PRORP: variants seen among roughly 807,000 people sequenced by gnomAD.
PRORP encodes the protein protein only RNase P catalytic subunit, also known as mitochondrial ribonuclease P catalytic subunit.
A neutral mutation model predicts 59.4 loss-of-function variants in PRORP; 51 were observed. The ratio of observed to expected loss-of-function variants is 0.86; its 90% CI spans 0.69 to 1.08. The LOEUF is 1.08. PRORP is among the 50% of genes least tolerant of loss of function. PRORP has a pLI of 0.00. For missense variants in PRORP, 646 were observed against 690.3 expected, an observed-to-expected ratio of 0.94 and a Z score of 0.72; for synonymous variants, 231 against 245.6, an observed-to-expected ratio of 0.94 and a Z score of 0.55.
intron 6 of PRORP, 110 bp from the exon 7 acceptor site, chr14:35,270,291 C>G (rs2051151629): frequency 3.0e-6 from 3 of 1,015,598 alleles, no homozygotes; most frequent in Admixed American, 2.3e-5. Flanking sequence ...TCATGTTGGT[C>G]AAGAAATCAG....
chr14:35,192,708 G>A (rs1281085418), intron 5 of PRORP, among the ~76,000 whole-genome samples: 1 of 152,116 alleles, frequency 6.6e-6, no homozygotes, highest in African/African-American at 2.4e-5. Flanking sequence ...AAAAGGAGGG[G>A]CCGGGCATGG....
chr14:35,222,874 T>C (rs61989547), intron 5 of PRORP: 24,459 of 152,272 alleles, frequency 0.16, 2,315 homozygotes, highest in Middle Eastern at 0.23. Flanking sequence ...TTTTGTTGCT[T>C]CTCTCCATTT....
At position 35,123,087 on chromosome 14, in the gene PRORP, A is replaced by T; in HGVS notation, c.-159A>T. The stretch of plus-strand genomic sequence containing the variant: ...TGCCTTCTTGCTTTTAAGTAGCCCC[A>T]AAAGCAGAACCTTGATTTGTCTGTA... On this transcript the variant is annotated 5_prime_UTR_variant, in exon 2 of 8. Coordinates refer to ENST00000534898, the MANE Select transcript of PRORP (RefSeq NM_014672.4). 1.3e-6 allele frequency: 1 copy of T among 764,692 alleles called. No homozygotes were observed. Among genetic ancestry groups the T allele is most frequent in the East Asian group, 2.7e-5 (1 of 37,482 alleles). The allele number at this position is 764,692 out of a possible 1,614,324, so 47.4% of individuals were successfully genotyped here.
At chr14:35,247,775 A>G (rs142718534) in intron 5 of PRORP, among the ~76,000 whole-genome samples, 27 of 152,290 alleles carry the variant, frequency 1.8e-4, no homozygotes, top group Non-Finnish European at 2.8e-4. Flanking sequence ...CAGAATACCT[A>G]TCCTTTCTTG....
chr14:35,169,718 A>G (rs1197081953), intron 4 of PRORP, among the ~76,000 whole-genome samples: 1 of 152,222 alleles, frequency 6.6e-6, no homozygotes. Flanking sequence ...TTACAATTCA[A>G]GGTGAGATTT....
chr14:35,192,370 A>T (rs1367721804), intron 5 of PRORP, among the ~76,000 whole-genome samples: 1 of 152,210 alleles, frequency 6.6e-6, no homozygotes, highest in Non-Finnish European at 1.5e-5. Context: ...TTTCAGTTAC[A>T]TCAGGATTGC....
chr14:35,249,483 G>A (rs2050561837), intron 5 of PRORP, among the ~76,000 whole-genome samples: 1 of 152,134 alleles, frequency 6.6e-6, no homozygotes, highest in Admixed American at 6.5e-5. Context: ...CACCTACTCA[G>A]AAGGCTAAGG....
rs571537940 is a variant in PRORP, at chr14:35,166,742, T to C, written c.1168-13928T>C. On this transcript the variant is annotated intron_variant, in intron 4 of 7. Transcript: ENST00000534898. ...CTGGGATTACAGGTGTGAGCCACTG[T>C]GCCTGGCCTATCTGAATCTTTAAGG... Among the ~76,000 whole-genome samples the C allele has an allele frequency of 1.8e-3, 274 of 152,288 alleles. 1 individual carries two copies. Among genetic ancestry groups the C allele is most frequent in the African/African-American group, 6.3e-3 (262 of 41,558 alleles).
chr14:35,180,464 T>C (rs972411425), intron 4 of PRORP, among the ~76,000 whole-genome samples: 4 of 152,140 alleles, frequency 2.6e-5, no homozygotes, highest in African/African-American at 9.7e-5. Context: ...TAGAGTGTAT[T>C]GGATAATTGT....
chr14:35,202,798 T>TA (rs201170551), intron 5 of PRORP, among the ~76,000 whole-genome samples: 4 of 151,890 alleles, frequency 2.6e-5, no homozygotes, highest in African/African-American at 7.3e-5. Context: ...CCTGGCTAAT[T>TA]AAAAAAAAAT....
Position 35,270,386 on chromosome 14 carries a change from T to G in PRORP, c.1425-15T>G. The G allele has an allele frequency of 1.9e-6, 3 of 1,610,312 alleles. No individual in the cohort carries two copies. The highest frequency in any genetic ancestry group is 2.5e-6 in the Non-Finnish European group (3 of 1,177,572). On this transcript the variant is annotated splice_polypyrimidine_tract_variant and intron_variant, in intron 6 of 7. Coordinates refer to ENST00000534898, the MANE Select transcript of PRORP (RefSeq NM_014672.4). ...CAGCTGTGCTTGATTGTGTCCTTTC[T>G]TATGCCTGGTTCAGCTCGGAGGATG...
intron 5 of PRORP, among the ~76,000 whole-genome samples, chr14:35,261,503 G>A (rs2050902010): frequency 6.6e-6 from 1 of 152,150 alleles, no homozygotes; most frequent in African/African-American, 2.4e-5. Flanking sequence ...GGCCAAGGCG[G>A]GCAGATCACG....
chr14:35,162,028 A>T (rs1477604619), intron 4 of PRORP, among the ~76,000 whole-genome samples: 1 of 152,010 alleles, frequency 6.6e-6, no homozygotes, highest in Non-Finnish European at 1.5e-5. Context: ...AAAATAGGTT[A>T]TCTTCTTTCT....
chr14:35,196,907 G>A (rs574659107), intron 5 of PRORP, among the ~76,000 whole-genome samples: 3 of 152,308 alleles, frequency 2.0e-5, no homozygotes, highest in African/African-American at 7.2e-5. Flanking sequence ...TGGGTTTTTA[G>A]TGAAGTGATC....
At chr14:35,252,651 C>G (rs1208309944) in intron 5 of PRORP, among the ~76,000 whole-genome samples, 3 of 152,082 alleles carry the variant, frequency 2.0e-5, no homozygotes, top group Non-Finnish European at 4.4e-5. Flanking sequence ...AGCTCCTGCT[C>G]CCAATCCCCA....
intron 5 of PRORP, among the ~76,000 whole-genome samples, chr14:35,229,046 C>T (rs190782297): frequency 1.3e-5 from 2 of 152,162 alleles, no homozygotes; most frequent in Non-Finnish European, 2.9e-5. Flanking sequence ...TGATGATTAG[C>T]GATATTGAGC....
intron 2 of PRORP, among the ~76,000 whole-genome samples, chr14:35,126,399 C>T (rs991391721): frequency 6.6e-6 from 1 of 152,108 alleles, no homozygotes; most frequent in Non-Finnish European, 1.5e-5. Flanking sequence ...GTAAATTACT[C>T]TCGGCAGGAG....
intron 5 of PRORP, among the ~76,000 whole-genome samples, chr14:35,252,040 TAATA>T (rs1277781943): frequency 1.3e-5 from 2 of 152,150 alleles, no homozygotes; most frequent in East Asian, 3.8e-4. Context: ...CAATTACTAA[TAATA>T]AATAGGAAGA....
chr14:35,168,342 G>A lies in PRORP; in HGVS notation c.1168-12328G>A, dbSNP rs558714679. On this transcript the variant is annotated intron_variant, in intron 4 of 7. Coordinates refer to ENST00000534898, the MANE Select transcript of PRORP (RefSeq NM_014672.4). ...TTTCTTGCTATGGTTTTAAATTTGC[G>A]TTTTCCTAAAGACTAATGATGTTGA... 1.5e-4 allele frequency among the ~76,000 whole-genome samples: 23 copies of A among 152,128 alleles called. No individual in the cohort carries two copies. In the South Asian group the frequency reaches 3.1e-3, roughly 21 times the overall value.
Sources: allele counts gnomAD v4.1 joint callset (sites outside exome capture counted in the v4.1 genomes callset), GRCh38; gene constraint gnomAD v4.1.1; transcripts MANE v1.5; gene names NCBI Gene and HGNC (gene_info 2026-07-23, HGNC 2026-07-21).